The following DGAT2L6 variants were observed in gnomAD, a reference collection of about 807,000 sequenced individuals.
The protein encoded by DGAT2L6 is diacylglycerol O-acyltransferase 2-like protein 6.
A neutral mutation model predicts 25.5 loss-of-function variants in DGAT2L6; 22 were observed. That is an observed-to-expected ratio of 0.86 (90% CI 0.62 to 1.23). DGAT2L6 has a LOEUF of 1.23. Ranked by LOEUF, DGAT2L6 falls within the 50% of genes most tolerant of loss-of-function variation. DGAT2L6 has a pLI of 0.00. For synonymous variants in DGAT2L6, 100 were observed against 94.7 expected (o/e 1.06, Z -0.32); for missense variants, 287 against 253.2 (o/e 1.13, Z -0.91).
intron 1 of DGAT2L6, among the ~76,000 whole-genome samples, chrX:70,195,951 C>G (rs2085389689): frequency 9.0e-6 from 1 of 110,885 alleles, no homozygotes. Context: ...GTATCCTCAC[C>G]TCTAGCCACA....
intron 1 of DGAT2L6, among the ~76,000 whole-genome samples, chrX:70,192,203 G>A (rs779335511): frequency 8.9e-6 from 1 of 112,135 alleles, no homozygotes; most frequent in South Asian, 3.7e-4. Flanking sequence ...AGTGAGCTAT[G>A]AGCATGCCAC....
intron 1 of DGAT2L6, among the ~76,000 whole-genome samples, chrX:70,195,465 C>CACACAT (rs2085388232): frequency 2.4e-3 from 2 of 845 alleles, no homozygotes; most frequent in African/African-American, 0.032. Context: ...AAGAAAGTGT[C>CACACAT]ACACACACAC....
intron 1 of DGAT2L6, among the ~76,000 whole-genome samples, chrX:70,194,405 A>G (rs934079157): frequency 8.9e-6 from 1 of 112,184 alleles, no homozygotes; most frequent in East Asian, 2.8e-4. Context: ...TAAAATTTGT[A>G]TGAGACAACA....
At chrX:70,177,956 G>A (rs1039299722) in intron 1 of DGAT2L6, among the ~76,000 whole-genome samples, 1 of 104,663 alleles carries the variant, frequency 9.6e-6, no homozygotes, top group Admixed American at 1.0e-4. Flanking sequence ...GTGAAATCTC[G>A]TCTCTACTGA....
intron 1 of DGAT2L6, among the ~76,000 whole-genome samples, chrX:70,178,717 T>G (rs2085334284): frequency 9.0e-6 from 1 of 111,377 alleles, no homozygotes; most frequent in Non-Finnish European, 1.9e-5. Context: ...TCAGGGTGGA[T>G]GGGGGTTACT....
intron 1 of DGAT2L6, among the ~76,000 whole-genome samples, chrX:70,195,272 C>A (rs945897416): frequency 9.0e-6 from 1 of 111,532 alleles, no homozygotes; most frequent in Non-Finnish European, 1.9e-5. Context: ...AAAAGGGAAT[C>A]TTTGTACACT....
chrX:70,195,973 A>G (rs1420952203), intron 1 of DGAT2L6, among the ~76,000 whole-genome samples: 1 of 111,343 alleles, frequency 9.0e-6, no homozygotes, highest in Admixed American at 9.5e-5. Context: ...ACACACACAA[A>G]GGGTAACTAT....
intron 1 of DGAT2L6, 130 bp from the exon 2 acceptor site, chrX:70,199,141 G>A: frequency 2.3e-6 from 1 of 430,948 alleles, no homozygotes; most frequent in Non-Finnish European, 4.0e-6. Flanking sequence ...TGGGGAAGAG[G>A]GGAGAAGGAG....
intron 1 of DGAT2L6, among the ~76,000 whole-genome samples, chrX:70,180,977 G>A (rs2085341516): frequency 8.9e-6 from 1 of 112,176 alleles, no homozygotes; most frequent in Non-Finnish European, 1.9e-5. Flanking sequence ...TTGCCTTGAC[G>A]TTTTGGCTAT....
intron 1 of DGAT2L6, among the ~76,000 whole-genome samples, chrX:70,179,562 CTT>C (rs3084451): frequency 0.067 from 4,294 of 63,940 alleles, 117 homozygotes; most frequent in African/African-American, 0.13. Context: ...TCTGAGGCAG[CTT>C]TTTTTTTTTT....
At chrX:70,203,426 T>C (rs2147611548) in intron 5 of DGAT2L6, among the ~76,000 whole-genome samples, 1 of 112,128 alleles carries the variant, frequency 8.9e-6, no homozygotes, top group South Asian at 3.7e-4. Context: ...TGACCCAGAA[T>C]AGAGGTTTCA....
At position 70,199,797 on chromosome X, in the gene DGAT2L6, C is replaced by T. The variant is rs769976796; in HGVS notation, c.197-15C>T. 4.1e-6 allele frequency: 5 copies of T among 1,206,244 alleles called. No homozygotes were observed. The African/African-American group carries it at 8.8e-5, about 21-fold the overall frequency. On this transcript the variant is annotated splice_polypyrimidine_tract_variant and intron_variant, in intron 2 of 6. Coordinates refer to ENST00000333026, the MANE Select transcript of DGAT2L6 (RefSeq NM_198512.3). ...AATGCCCTGTGTACTCTTCCCTTCC[C>T]TTCTGTACCCACAGGTGGCAGGCGT... is the stretch of plus-strand genomic sequence containing the variant.
At chrX:70,202,115 G>A (rs1743054468) in intron 5 of DGAT2L6, 51 bp downstream of exon 5, 4 of 1,063,522 alleles carry the variant, frequency 3.8e-6, no homozygotes, top group Non-Finnish European at 3.7e-6. Context: ...TAGGCCCTCT[G>A]TAGCCCTCTC....
At chrX:70,204,624 T>C in intron 6 of DGAT2L6, 108 bp downstream of exon 6, 1 of 932,713 alleles carries the variant, frequency 1.1e-6, no homozygotes, top group East Asian at 3.2e-5. Context: ...GGATGGGCAA[T>C]GGGTGTGGTT....
intron 1 of DGAT2L6, among the ~76,000 whole-genome samples, chrX:70,182,469 CTTTTTTTTTTT>C (rs1171530335): frequency 8.1e-5 from 4 of 49,143 alleles, no homozygotes; most frequent in African/African-American, 2.1e-4. Context: ...TCAAAAGCAT[CTTTTTTTTTTT>C]TTTTTTTTTT....
In DGAT2L6 at chrX:70,202,050, G is replaced by C. The variant is rs1412725074; in HGVS notation, c.633G>C (p.Met211Ile). The change falls in exon 5 of 7, where the codon ATG (methionine) becomes ATC (isoleucine). Residue 211 changes from methionine (M) to isoleucine (I), a missense_variant. By Grantham distance (10) the Met-to-Ile change is conservative (BLOSUM62 1). Coordinates refer to ENST00000333026, the MANE Select transcript of DGAT2L6 (RefSeq NM_198512.3). ...AGCAGCGTAAAGGTTTTGTGAAGAT[G>C]GCACTGCAAACAGGGTGGGTTCCAA... ...FLKQRKGFVKMALQTGAYLVP... is the reference protein window; with the variant it reads ...FLKQRKGFVKIALQTGAYLVP... 1 of 1,194,328 alleles carries C rather than the reference G, an allele frequency of 8.4e-7. No homozygotes were observed. Among genetic ancestry groups the C allele is most frequent in the African/African-American group, 1.7e-5 (1 of 57,269 alleles).
intron 1 of DGAT2L6, among the ~76,000 whole-genome samples, chrX:70,181,364 T>A (rs141278392): frequency 8.9e-6 from 1 of 112,497 alleles, no homozygotes; most frequent in Non-Finnish European, 1.9e-5. Flanking sequence ...TTAGACTGAT[T>A]AGCTTTACCA....
intron 1 of DGAT2L6, among the ~76,000 whole-genome samples, chrX:70,196,486 C>CAAAAA (rs751597708): frequency 0.015 from 390 of 25,869 alleles, 1 homozygote; most frequent in Non-Finnish European, 0.021. Flanking sequence ...GATCCTGTCT[C>CAAAAA]AAAAAAAAAA....
intron 4 of DGAT2L6, among the ~76,000 whole-genome samples, chrX:70,201,020 A>AT (rs2085408463): frequency 8.9e-6 from 1 of 112,404 alleles, no homozygotes; most frequent in East Asian, 2.8e-4. Context: ...TATCCAGAAC[A>AT]ACTTCCCCAT....
Sources: allele counts gnomAD v4.1 joint callset (sites outside exome capture counted in the v4.1 genomes callset), GRCh38; gene constraint gnomAD v4.1.1; transcripts MANE v1.5; gene names NCBI Gene and HGNC (gene_info 2026-07-23, HGNC 2026-07-21).